TTC23: variants seen among roughly 807,000 people sequenced by gnomAD.
TTC23 encodes tetratricopeptide repeat domain 23, also known as tetratricopeptide repeat protein 23.
TTC23 carries 58 observed loss-of-function variants against 55.1 expected under a neutral mutation model. That is an observed-to-expected ratio of 1.05 (90% CI 0.85 to 1.31). TTC23 has a LOEUF of 1.31. TTC23 is among the 50% of genes most tolerant of loss of function. The pLI is 0.00. For synonymous variants in TTC23, 203 were observed against 199.9 expected (o/e 1.02, Z -0.13); for missense variants, 516 against 534.4 (o/e 0.97, Z 0.34).
In TTC23 at chr15:99,210,521, C is replaced by G. The variant is rs73465306; in HGVS notation, c.581+8067G>C. Among the ~76,000 whole-genome samples the G allele has an allele frequency of 9.8e-3, 1,499 of 152,252 alleles. 28 individuals are homozygous for G. The highest frequency in any genetic ancestry group is 0.034 in the African/African-American group (1,427 of 41,546). On this transcript the variant is annotated intron_variant, in intron 8 of 13. Transcript: ENST00000394132. ...CATAGTGTCCCACAGGAGCAGCTGA[C>G]AGGAGAAACATGTCTGCTGGAGAAG...
chr15:99,212,996 AAAAAAAAAAAGG>A (rs1196106177), intron 8 of TTC23, among the ~76,000 whole-genome samples: 10 of 132,120 alleles, frequency 7.6e-5, no homozygotes, highest in African/African-American at 2.8e-4. Flanking sequence ...AAAAAAAAAA[AAAAAAAAAAAGG>A]GGGGGACATA....
At chr15:99,173,949 G>T (rs1268272178) in intron 10 of TTC23, among the ~76,000 whole-genome samples, 2 of 152,110 alleles carry the variant, frequency 1.3e-5, no homozygotes, top group Non-Finnish European at 2.9e-5. Context: ...TTATTAATAG[G>T]TATGGAATAG....
At chr15:99,241,785 G>A (rs1177519696) in intron 2 of TTC23, among the ~76,000 whole-genome samples, 2 of 152,202 alleles carry the variant, frequency 1.3e-5, no homozygotes, top group African/African-American at 4.8e-5. Flanking sequence ...GTGGAGAGAT[G>A]TAGGGGAGCC....
intron 8 of TTC23, among the ~76,000 whole-genome samples, chr15:99,204,090 G>T (rs2076415876): frequency 6.6e-6 from 1 of 152,162 alleles, no homozygotes; most frequent in African/African-American, 2.4e-5. Flanking sequence ...CATAGTGGCT[G>T]TACTAACTTG....
chr15:99,168,620 A>G lies in TTC23; in HGVS notation c.865+6430T>C, dbSNP rs185313447. ...AACGTGGTCATCATGCTGCTCATGC[A>G]CTTCAGCCTCCCCAGGAAAGAAATG... On this transcript the variant is annotated intron_variant, in intron 10 of 13. Transcript: ENST00000394132. Among the ~76,000 whole-genome samples, 226 of 152,342 alleles carry G rather than the reference A, an allele frequency of 1.5e-3. 1 individual carries two copies. The highest frequency in any genetic ancestry group is 7.2e-4 in the Non-Finnish European group (49 of 68,026).
chr15:99,173,280 CAGTT>C (rs2073163042), intron 10 of TTC23, among the ~76,000 whole-genome samples: 1 of 152,192 alleles, frequency 6.6e-6, no homozygotes, highest in African/African-American at 2.4e-5. Context: ...AAACATATTT[CAGTT>C]AGTTACCATC....
intron 6 of TTC23, among the ~76,000 whole-genome samples, chr15:99,219,632 C>G (rs904240032): frequency 5.3e-5 from 8 of 150,758 alleles, no homozygotes; most frequent in Non-Finnish European, 1.0e-4. Context: ...CAAAGTGGAG[C>G]AAAAAAAAAT....
intron 9 of TTC23, among the ~76,000 whole-genome samples, chr15:99,182,123 T>C (rs539196235): frequency 2.6e-4 from 40 of 152,160 alleles, no homozygotes; most frequent in African/African-American, 9.2e-4. Flanking sequence ...GAATAAACAA[T>C]TGAAATTAAA....
intron 5 of TTC23, among the ~76,000 whole-genome samples, chr15:99,227,457 CCTAA>C (rs1363643501): frequency 6.6e-6 from 1 of 152,190 alleles, no homozygotes; most frequent in Non-Finnish European, 1.5e-5. Flanking sequence ...CAAATATCCT[CCTAA>C]CTGATGCTCC....
chr15:99,167,276 C>A lies in TTC23; in HGVS notation c.866-5409G>T, dbSNP rs142297543. Among the ~76,000 whole-genome samples the A allele has an allele frequency of 2.3e-3, 356 of 152,342 alleles. 1 individual carries two copies. Among genetic ancestry groups the A allele is most frequent in the Non-Finnish European group, 3.8e-3 (260 of 68,034 alleles). On this transcript the variant is annotated intron_variant, in intron 10 of 13. Transcript: ENST00000394132. Reference sequence around the variant, plus strand: ...AACAGGGTGTAGGTTCACAAAGAGCCAGCAGTTTCAGCACTCTCACACAAG... The same window carrying A: ...AACAGGGTGTAGGTTCACAAAGAGCAAGCAGTTTCAGCACTCTCACACAAG...
intron 8 of TTC23, among the ~76,000 whole-genome samples, chr15:99,213,549 T>C (rs2077212067): frequency 6.6e-6 from 1 of 152,238 alleles, no homozygotes; most frequent in South Asian, 2.1e-4. Flanking sequence ...CTGAATTGTG[T>C]ATTTCCTATC....
At chr15:99,139,631 T>C in intron 12 of TTC23, 14 of 1,502,614 alleles carry the variant, frequency 9.3e-6, no homozygotes, top group Non-Finnish European at 1.2e-5. Flanking sequence ...TGTGACTATC[T>C]GTATGCAAAA....
chr15:99,182,478 G>A (rs1009555314), intron 9 of TTC23, among the ~76,000 whole-genome samples: 4 of 152,042 alleles, frequency 2.6e-5, no homozygotes, highest in Non-Finnish European at 5.9e-5. Flanking sequence ...TCTTGTGCAT[G>A]TTTCTACTGA....
At chr15:99,250,075 G>A (rs374191902), upstream of TTC23, among the ~76,000 whole-genome samples, 1 of 151,192 alleles carries the variant, frequency 6.6e-6, no homozygotes, top group African/African-American at 2.4e-5. Flanking sequence ...TTTCTTTTTT[G>A]GGGGGTGTAA....
At chr15:99,145,625 T>G (rs535090938) in intron 12 of TTC23, among the ~76,000 whole-genome samples, 10 of 151,526 alleles carry the variant, frequency 6.6e-5, no homozygotes, top group South Asian at 4.2e-4. Context: ...TTCCGAGTGT[T>G]TGTTTGAGAG....
chr15:99,219,166 G>A, intron 6 of TTC23, 118 bp from the exon 7 acceptor site: 1 of 1,171,540 alleles, frequency 8.5e-7, no homozygotes, highest in Non-Finnish European at 1.2e-6. Flanking sequence ...AATGACACAT[G>A]GAGACGTATC....
intron 8 of TTC23, among the ~76,000 whole-genome samples, chr15:99,210,458 T>C (rs1227649213): frequency 1.3e-5 from 2 of 152,182 alleles, no homozygotes; most frequent in Non-Finnish European, 2.9e-5. Context: ...AAAAAGCAAT[T>C]TCCTTCTTTG....
At chr15:99,247,620 G>A (rs1420442730) in intron 1 of TTC23, among the ~76,000 whole-genome samples, 1 of 152,198 alleles carries the variant, frequency 6.6e-6, no homozygotes, top group African/African-American at 2.4e-5. Context: ...ATCGCATAAT[G>A]TGTAATTCCA....
At chr15:99,162,229 G>A (rs556229455) in intron 10 of TTC23, among the ~76,000 whole-genome samples, 1 of 152,232 alleles carries the variant, frequency 6.6e-6, no homozygotes, top group South Asian at 2.1e-4. Context: ...TGACTTTACT[G>A]AGGGTAGGAC....
Sources: allele counts gnomAD v4.1 joint callset (sites outside exome capture counted in the v4.1 genomes callset), GRCh38; gene constraint gnomAD v4.1.1; transcripts MANE v1.5; gene names NCBI Gene and HGNC (gene_info 2026-07-23, HGNC 2026-07-21).